Variants in ACBD6 observed in about 807,000 individuals in gnomAD.
ACBD6 encodes the protein acyl-CoA binding domain containing 6, also known as acyl-CoA-binding domain-containing protein 6.
In ACBD6, 28 loss-of-function variants were observed where a neutral mutation model predicts 37.2. That is an observed-to-expected ratio of 0.75 (90% CI 0.56 to 1.03). The LOEUF (loss-of-function observed/expected upper bound fraction) is 1.03, where lower values mean the gene tolerates loss of function less well. Ranked by LOEUF, ACBD6 falls within the 50% of genes least tolerant of loss-of-function variation. ACBD6 has a pLI of 0.00. For synonymous variants in ACBD6, 113 were observed against 126.8 expected (o/e 0.89, Z 0.73); for missense variants, 340 against 337.4 (o/e 1.01, Z -0.06).
intron 4 of ACBD6, among the ~76,000 whole-genome samples, chr1:180,425,796 G>A (rs1471133127): frequency 2.0e-5 from 3 of 152,038 alleles, no homozygotes; most frequent in Non-Finnish European, 4.4e-5. Flanking sequence ...AAATTTTAGA[G>A]TATAATTTAT....
At chr1:180,404,525 T>G (rs1018069822) in intron 5 of ACBD6, among the ~76,000 whole-genome samples, 8 of 152,142 alleles carry the variant, frequency 5.3e-5, no homozygotes, top group African/African-American at 1.7e-4. Flanking sequence ...TGGCACGATC[T>G]CAGCTCATTG....
chr1:180,310,062 T>C (rs1471333923), intron 7 of ACBD6, among the ~76,000 whole-genome samples: 4 of 152,222 alleles, frequency 2.6e-5, no homozygotes, highest in African/African-American at 9.6e-5. Flanking sequence ...TTAGGCAAGC[T>C]TGTTAATCTC....
chr1:180,371,706 A>G (rs1347281863), intron 6 of ACBD6, among the ~76,000 whole-genome samples: 1 of 152,190 alleles, frequency 6.6e-6, no homozygotes, highest in Non-Finnish European at 1.5e-5. Flanking sequence ...ATAAAAATTG[A>G]GAAATGATTC....
rs1650281264 is a variant in ACBD6, at chr1:180,304,711, C to T, written c.694+9981G>A. ...TTTATAGATTCAATGCCATCCCCAT[C>T]AAGCTACAAATGACTTTCCTCACAG... On this transcript the variant is annotated intron_variant, in intron 7 of 7. Transcript: ENST00000367595. 1.3e-5 allele frequency among the ~76,000 whole-genome samples: 2 copies of T among 150,818 alleles called. 1 individual carries two copies. The highest frequency in any genetic ancestry group is 3.0e-5 in the Non-Finnish European group (2 of 67,504).
chr1:180,441,879 C>T (rs931433248), intron 3 of ACBD6, among the ~76,000 whole-genome samples: 9 of 151,982 alleles, frequency 5.9e-5, no homozygotes, highest in African/African-American at 2.2e-4. Context: ...CTTTATTTTT[C>T]TTGTCTAATT....
At chr1:180,456,211 C>CAAA (rs753205587) in intron 3 of ACBD6, among the ~76,000 whole-genome samples, 6 of 106,758 alleles carry the variant, frequency 5.6e-5, no homozygotes, top group Admixed American at 3.9e-4. Context: ...GACACCATTT[C>CAAA]AAAAAAAAAA....
At chr1:180,365,672 C>T (rs1187430428) in intron 6 of ACBD6, among the ~76,000 whole-genome samples, 1 of 152,146 alleles carries the variant, frequency 6.6e-6, no homozygotes, top group Non-Finnish European at 1.5e-5. Flanking sequence ...GTAAGAGCAA[C>T]ACTACATTGC....
At chr1:180,347,952 CA>C (rs34993599) in intron 6 of ACBD6, among the ~76,000 whole-genome samples, 239 of 135,270 alleles carry the variant, frequency 1.8e-3, no homozygotes, top group African/African-American at 3.2e-3. Context: ...GACCCCGTCT[CA>C]AAAAAAAAAA....
At chr1:180,441,681 G>A (rs550475186) in intron 3 of ACBD6, among the ~76,000 whole-genome samples, 6 of 152,120 alleles carry the variant, frequency 3.9e-5, no homozygotes, top group South Asian at 2.1e-4. Flanking sequence ...CAGAGTATCC[G>A]CTGATGGTCT....
At chr1:180,452,199 G>A (rs1267700605) in intron 3 of ACBD6, among the ~76,000 whole-genome samples, 1 of 151,976 alleles carries the variant, frequency 6.6e-6, no homozygotes, top group Non-Finnish European at 1.5e-5. Flanking sequence ...ACAACTATGT[G>A]GGTGGCTCAG....
intron 6 of ACBD6, among the ~76,000 whole-genome samples, chr1:180,345,055 A>G (rs976138187): frequency 1.3e-5 from 2 of 152,168 alleles, no homozygotes; most frequent in African/African-American, 4.8e-5. Flanking sequence ...AGTTATACAT[A>G]TTTTGAGAAG....
At chr1:180,476,452 A>G (rs751509016) in intron 3 of ACBD6, among the ~76,000 whole-genome samples, 45 of 152,234 alleles carry the variant, frequency 3.0e-4, no homozygotes, top group Non-Finnish European at 4.3e-4. Context: ...CTATGCACAC[A>G]TATAGGCTAA....
chr1:180,492,574 A>T (rs562261181), intron 2 of ACBD6, among the ~76,000 whole-genome samples: 47 of 152,154 alleles, frequency 3.1e-4, no homozygotes, highest in South Asian at 1.0e-3. Flanking sequence ...CTTTTCAGAC[A>T]TTTTTTTTCC....
intron 3 of ACBD6, among the ~76,000 whole-genome samples, chr1:180,432,025 G>C (rs1278886856): frequency 1.3e-5 from 2 of 151,940 alleles, no homozygotes; most frequent in Admixed American, 1.3e-4. Flanking sequence ...GGCCAACATG[G>C]CAAAATACCA....
intron 4 of ACBD6, among the ~76,000 whole-genome samples, chr1:180,419,539 C>CTT (rs1225179740): frequency 6.6e-6 from 1 of 152,150 alleles, no homozygotes; most frequent in Non-Finnish European, 1.5e-5. Context: ...GACCCTTAAA[C>CTT]AACACGGAGG....
chr1:180,497,071 T>C (rs965873126), intron 1 of ACBD6, among the ~76,000 whole-genome samples: 1 of 152,238 alleles, frequency 6.6e-6, no homozygotes, highest in African/African-American at 2.4e-5. Flanking sequence ...GCTTCAATTC[T>C]GGACTCTCTA....
chr1:180,468,396 G>A (rs1650433821), intron 3 of ACBD6, among the ~76,000 whole-genome samples: 1 of 152,204 alleles, frequency 6.6e-6, no homozygotes, highest in Admixed American at 6.5e-5. Context: ...AGGAGGCTAA[G>A]AAGGCCGCTG....
intron 6 of ACBD6, among the ~76,000 whole-genome samples, chr1:180,379,969 A>C (rs1653576669): frequency 6.6e-6 from 1 of 152,246 alleles, no homozygotes; most frequent in South Asian, 2.1e-4. Flanking sequence ...AACTGTCAAA[A>C]GTCAAAGACA....
intron 3 of ACBD6, among the ~76,000 whole-genome samples, chr1:180,477,023 G>A (rs1327939976): frequency 6.6e-6 from 1 of 151,982 alleles, no homozygotes; most frequent in East Asian, 1.9e-4. Context: ...TATCCATGGG[G>A]TATGTATTCT....
Sources: gnomAD v4.1 joint callset for allele counts (sites outside exome capture counted in the v4.1 genomes callset) on GRCh38, gnomAD v4.1.1 for gene constraint, MANE v1.5 for transcripts, NCBI Gene and HGNC (gene_info 2026-07-23, HGNC 2026-07-21) for gene names.